The following CADM2 variants were observed in gnomAD, a reference collection of about 807,000 sequenced individuals.
CADM2 encodes the protein cell adhesion molecule 2.
CADM2 carries 12 observed loss-of-function variants against 49.8 expected under a neutral mutation model. The ratio of observed to expected loss-of-function variants is 0.24; its 90% CI spans 0.15 to 0.39. The LOEUF is 0.39. CADM2 is among the 10% of genes least tolerant of loss of function. The pLI, the probability that CADM2 is intolerant of heterozygous loss-of-function variation, is 1.00. For synonymous variants in CADM2, 214 were observed against 175.4 expected (o/e 1.22, Z -1.74); for missense variants, 378 against 492.3 (o/e 0.77, Z 2.20).
At chr3:85,393,524 A>C (rs2034620052) in intron 1 of CADM2, among the ~76,000 whole-genome samples, 1 of 152,222 alleles carries the variant, frequency 6.6e-6, no homozygotes, top group Non-Finnish European at 1.5e-5. Flanking sequence ...AAATTATCTT[A>C]AAGTTATAAG....
rs568478794 is a variant in CADM2 at position 85,545,725 on chromosome 3, AGTTGTG to A, written c.62-180793_62-180788del. 2.0e-3 allele frequency among the ~76,000 whole-genome samples: 306 copies of A among 152,286 alleles called. 1 individual carries two copies. Among genetic ancestry groups the A allele is most frequent in the Middle Eastern group, 3.4e-3 (1 of 294 alleles). ...TGCTGCACTCTGAAACATAGACCAA[AGTTGTG>A]GTTTAGGAGCAGTATCATAAAATCT... On this transcript the variant is annotated intron_variant, in intron 1 of 9. Transcript: ENST00000383699.
intron 8 of CADM2, among the ~76,000 whole-genome samples, chr3:86,046,929 G>A (rs1736754837): frequency 6.6e-6 from 1 of 151,438 alleles, no homozygotes; most frequent in Non-Finnish European, 1.5e-5. Flanking sequence ...CAATGTTCTT[G>A]GAATGCTGTT....
intron 1 of CADM2, among the ~76,000 whole-genome samples, chr3:85,213,282 G>A (rs1474416228): frequency 6.6e-6 from 1 of 151,980 alleles, no homozygotes; most frequent in East Asian, 1.9e-4. Flanking sequence ...GCTTTTGCTT[G>A]TCTGGTAAGC....
At chr3:86,015,055 A>G in intron 8 of CADM2, 2 of 773,672 alleles carry the variant, frequency 2.6e-6, no homozygotes, top group Non-Finnish European at 4.5e-6. Context: ...GCGGACACAC[A>G]CGTTAAACCC....
intron 1 of CADM2, among the ~76,000 whole-genome samples, chr3:85,430,089 G>A (rs1234647026): frequency 2.0e-5 from 3 of 152,102 alleles, no homozygotes; most frequent in Admixed American, 6.6e-5. Flanking sequence ...CTAGGTAGGA[G>A]TGTGTGTGCA....
At chr3:85,714,421 T>A (rs1196655834) in intron 1 of CADM2, among the ~76,000 whole-genome samples, 3 of 152,004 alleles carry the variant, frequency 2.0e-5, no homozygotes, top group Non-Finnish European at 4.4e-5. Flanking sequence ...TGTTTTCTGT[T>A]TTTTGTTTGT....
chr3:85,634,888 AT>A (rs33955039), intron 1 of CADM2, among the ~76,000 whole-genome samples: 58,062 of 151,800 alleles, frequency 0.38, 12,212 homozygotes, highest in East Asian at 0.54. Context: ...CAGAAAATTA[AT>A]TTTTTTTAAA....
intron 1 of CADM2, among the ~76,000 whole-genome samples, chr3:85,375,976 A>C (rs928031927): frequency 6.6e-6 from 1 of 152,148 alleles, no homozygotes; most frequent in African/African-American, 2.4e-5. Context: ...TAGTCACTGG[A>C]TACATATGAT....
intron 1 of CADM2, among the ~76,000 whole-genome samples, chr3:85,535,125 C>A (rs1278879200): frequency 6.6e-6 from 1 of 152,076 alleles, no homozygotes; most frequent in Non-Finnish European, 1.5e-5. Context: ...ACTTTATATG[C>A]AAATGACTCA....
intron 5 of CADM2, among the ~76,000 whole-genome samples, chr3:85,894,164 G>T (rs1293789198): frequency 6.6e-6 from 1 of 151,814 alleles, no homozygotes; most frequent in Non-Finnish European, 1.5e-5. Flanking sequence ...ATACTATGCA[G>T]CCATAAAAAA....
chr3:86,027,735 T>TA (rs1734066534), intron 8 of CADM2: 1 of 152,128 alleles, frequency 6.6e-6, no homozygotes, highest in Admixed American at 6.6e-5. Flanking sequence ...TAATAATTTT[T>TA]ACTATATGGT....
chr3:85,027,797 C>T (rs2034802315), intron 1 of CADM2, among the ~76,000 whole-genome samples: 1 of 152,112 alleles, frequency 6.6e-6, no homozygotes, highest in African/African-American at 2.4e-5. Context: ...AATGAACTTG[C>T]TAACATTGCC....
At chr3:85,876,657 C>T (rs879932912) in intron 3 of CADM2, among the ~76,000 whole-genome samples, 2 of 152,062 alleles carry the variant, frequency 1.3e-5, no homozygotes, top group Non-Finnish European at 2.9e-5. Context: ...TCTAAAGATA[C>T]CTTTTAAAGT....
intron 1 of CADM2, among the ~76,000 whole-genome samples, chr3:84,969,877 A>T (rs1444619060): frequency 1.3e-5 from 2 of 151,860 alleles, no homozygotes; most frequent in African/African-American, 4.8e-5. Context: ...CTTTCTAAAG[A>T]TTTTATTTCT....
chr3:85,074,435 A>C (rs961376520), intron 1 of CADM2, among the ~76,000 whole-genome samples: 1 of 152,084 alleles, frequency 6.6e-6, no homozygotes, highest in African/African-American at 2.4e-5. Flanking sequence ...CCAATATAAT[A>C]AATGATACTC....
chr3:85,462,668 A>G (rs2038302547), intron 1 of CADM2, among the ~76,000 whole-genome samples: 1 of 152,156 alleles, frequency 6.6e-6, no homozygotes, highest in Admixed American at 6.5e-5. Flanking sequence ...TGTCAAAAAG[A>G]TTCCATTAGT....
In CADM2 at chr3:85,207,792, T is replaced by A. The variant is rs1448922854; in HGVS notation, c.61+248124T>A. 2.6e-5 allele frequency among the ~76,000 whole-genome samples: 4 copies of A among 152,188 alleles called. No individual in the cohort carries two copies. The East Asian group carries it at 7.7e-4, about 29-fold the overall frequency. On this transcript the variant is annotated intron_variant, in intron 1 of 9. Coordinates refer to ENST00000383699, the MANE Select transcript of CADM2 (RefSeq NM_001167675.2). ...TCATTTAATTTGACAAACATTTGGC[T>A]TATGCTGTTTTTATAAGGTCAGCTT...
chr3:85,206,550 G>A (rs1300129355), intron 1 of CADM2, among the ~76,000 whole-genome samples: 21 of 151,730 alleles, frequency 1.4e-4, no homozygotes, highest in South Asian at 8.3e-4. Context: ...CTCGTGATCC[G>A]CCCACCTCGG....
chr3:85,044,129 A>G (rs2035555634), intron 1 of CADM2, among the ~76,000 whole-genome samples: 1 of 152,080 alleles, frequency 6.6e-6, no homozygotes, highest in Non-Finnish European at 1.5e-5. Flanking sequence ...GCCAACCAAA[A>G]CATCTGTCCT....
Sources: gnomAD v4.1 joint callset for allele counts (sites outside exome capture counted in the v4.1 genomes callset) on GRCh38, gnomAD v4.1.1 for gene constraint, MANE v1.5 for transcripts, NCBI Gene and HGNC (gene_info 2026-07-23, HGNC 2026-07-21) for gene names.